WNT3: variants seen among roughly 807,000 people sequenced by gnomAD.
WNT3 encodes Wnt family member 3.
A neutral mutation model predicts 34.2 loss-of-function variants in WNT3; 7 were observed. The observed-to-expected ratio is 0.20, with a 90% CI of 0.12 to 0.38. The LOEUF is 0.38. Among genes scored for constraint, WNT3 ranks in the 10% least tolerant of loss-of-function variants. The probability of loss-of-function intolerance (pLI) is 1.00; values close to 1 mark genes in which losing one functional copy is unlikely to be tolerated. For missense variants in WNT3, 267 were observed against 499.8 expected, an observed-to-expected ratio of 0.53 and a Z score of 4.44; for synonymous variants, 212 against 211.5, an observed-to-expected ratio of 1.00 and a Z score of -0.02.
chr17:46,773,604 G>A (rs2059391540), intron 2 of WNT3, 64 bp downstream of exon 2: 4 of 1,444,436 alleles, frequency 2.8e-6, no homozygotes, highest in Non-Finnish European at 3.7e-6. Flanking sequence ...GGGGTGGAAG[G>A]GCATACAGTC....
At chr17:46,799,978 C>T (rs2084103710) in intron 1 of WNT3, among the ~76,000 whole-genome samples, 1 of 152,168 alleles carries the variant, frequency 6.6e-6, no homozygotes. Context: ...GTTAGATGCC[C>T]AGAGCCGGAC....
intron 1 of WNT3, among the ~76,000 whole-genome samples, chr17:46,777,588 C>T (rs1159353257): frequency 1.3e-5 from 2 of 152,280 alleles, no homozygotes; most frequent in African/African-American, 2.4e-5. Context: ...GGATTTCCTT[C>T]TGTCCCCACA....
chr17:46,789,101 G>T (rs1020325453), intron 1 of WNT3, among the ~76,000 whole-genome samples: 3 of 152,172 alleles, frequency 2.0e-5, no homozygotes, highest in Admixed American at 2.0e-4. Context: ...TATGCTGGAC[G>T]CCGGGAGCAC....
At chr17:46,776,919 C>T (rs867094186) in intron 1 of WNT3, among the ~76,000 whole-genome samples, 6 of 152,310 alleles carry the variant, frequency 3.9e-5, no homozygotes, top group East Asian at 1.9e-4. Context: ...CTTCCTCCCC[C>T]TCTCCCAGCC....
intron 1 of WNT3, among the ~76,000 whole-genome samples, chr17:46,811,412 A>G (rs2084273996): frequency 6.6e-6 from 1 of 152,210 alleles, no homozygotes; most frequent in Non-Finnish European, 1.5e-5. Flanking sequence ...TTAGTTTGAC[A>G]TGAGGGTATG....
rs749719578 is a variant in WNT3, at chr17:46,779,103, A to ACACACACACCCC, written c.81-5195_81-5194insGGGGTGTGTGTG. Among the ~76,000 whole-genome samples, 103 of 133,638 alleles carry ACACACACACCCC rather than the reference A, an allele frequency of 7.7e-4. 5 individuals carry two copies. The highest frequency in any genetic ancestry group is 7.4e-3 in the East Asian group (29 of 3,898). The allele number at this position is 133,638 out of a possible 152,430, so 87.7% of individuals were successfully genotyped here. A position where few individuals can be genotyped will look rare whatever the true frequency, so the allele number is the denominator to read the frequency against. ...CACACACACACACACACACACACAC[A>ACACACACACCCC]CCCCAGCCCACTCGGCCTTCCAAAG... On this transcript the variant is annotated intron_variant, in intron 1 of 4. Coordinates refer to ENST00000225512, the MANE Select transcript of WNT3 (RefSeq NM_030753.5).
At chr17:46,777,519 A>G (rs950622738) in intron 1 of WNT3, among the ~76,000 whole-genome samples, 3 of 152,254 alleles carry the variant, frequency 2.0e-5, no homozygotes, top group African/African-American at 4.8e-5. Flanking sequence ...CATCTCCAGG[A>G]AGAAGGTGCC....
Position 46,770,061 on chromosome 17 carries a change from C to A in WNT3, c.323-13G>T, listed in dbSNP as rs1343819627. The A allele has an allele frequency of 3.3e-6, 5 of 1,533,818 alleles. No homozygotes were observed. Among genetic ancestry groups the A allele is most frequent in the East Asian group, 2.4e-5 (1 of 40,826 alleles). ...GACTCGCGGGTGGCTGCGGGGAGGT[C>A]GTGGGGAGGCAGCACTCAGGACCCG... On this transcript the variant is annotated splice_polypyrimidine_tract_variant and intron_variant, in intron 2 of 4. Coordinates refer to ENST00000225512, the MANE Select transcript of WNT3 (RefSeq NM_030753.5).
chr17:46,818,375 A>G (rs1375528936), intron 1 of WNT3, 143 bp downstream of exon 1: 5 of 634,224 alleles, frequency 7.9e-6, no homozygotes, highest in Non-Finnish European at 9.9e-6. Flanking sequence ...CAGAAAATCC[A>G]GGAGGGGTGG....
chr17:46,779,053 T>TCACTCACACA (rs1555683627), intron 1 of WNT3, among the ~76,000 whole-genome samples: 3 of 100,612 alleles, frequency 3.0e-5, no homozygotes, highest in Admixed American at 1.2e-4. Flanking sequence ...CCCTACCCCA[T>TCACTCACACA]CACACACACA....
chr17:46,787,413 A>G (rs183333408), intron 1 of WNT3, among the ~76,000 whole-genome samples: 121 of 152,310 alleles, frequency 7.9e-4, no homozygotes, highest in Non-Finnish European at 2.5e-4. Context: ...TGTCAAAGCT[A>G]AGCGGGACCT....
intron 2 of WNT3, 70 bp downstream of exon 2, chr17:46,773,598 T>C: frequency 6.8e-7 from 1 of 1,466,226 alleles, no homozygotes; most frequent in Middle Eastern, 2.5e-4. Flanking sequence ...CTGACTGGGG[T>C]GGAAGGGCAT....
chr17:46,801,355 C>T (rs968221982), intron 1 of WNT3, among the ~76,000 whole-genome samples: 1 of 152,220 alleles, frequency 6.6e-6, no homozygotes, highest in African/African-American at 2.4e-5. Context: ...CACGGTGGCT[C>T]ACGCCTGTAA....
chr17:46,809,109 A>T (rs916040981), intron 1 of WNT3, among the ~76,000 whole-genome samples: 13 of 152,110 alleles, frequency 8.5e-5, no homozygotes, highest in African/African-American at 2.9e-4. Flanking sequence ...GAAGTGGGTT[A>T]TTGGGGGGAT....
chr17:46,817,369 C>T (rs1304717004), intron 1 of WNT3, among the ~76,000 whole-genome samples: 1 of 152,210 alleles, frequency 6.6e-6, no homozygotes, highest in Non-Finnish European at 1.5e-5. Flanking sequence ...TTCCTCCTCA[C>T]CTCCCCCCGC....
At chr17:46,791,402 T>C (rs1036784432) in intron 1 of WNT3, among the ~76,000 whole-genome samples, 13 of 152,068 alleles carry the variant, frequency 8.5e-5, no homozygotes, top group Non-Finnish European at 1.6e-4. Context: ...AGACGGGGTT[T>C]CAACATGTTG....
chr17:46,803,261 T>C (rs1388661554), intron 1 of WNT3, among the ~76,000 whole-genome samples: 1 of 152,200 alleles, frequency 6.6e-6, no homozygotes, highest in Non-Finnish European at 1.5e-5. Flanking sequence ...TGGCCAGGCG[T>C]AGCGGCTCAC....
At position 46,763,621 on chromosome 17, in the gene WNT3, C is replaced by T. The variant is rs536169677; in HGVS notation, c.*1009G>A. 3.3e-5 allele frequency: 5 copies of T among 152,228 alleles called. No homozygotes were observed. The highest frequency in any genetic ancestry group is 3.3e-4 in the Admixed American group (5 of 15,284). 9.4% of individuals were successfully genotyped at this position (152,228 alleles called of 1,614,324 possible). A position where few individuals can be genotyped will look rare whatever the true frequency, so the allele number is the denominator to read the frequency against. On this transcript the variant is annotated 3_prime_UTR_variant, in exon 5 of 5. Transcript: ENST00000225512. ...GGAATTTCAGGAATTGATGGCTACT[C>T]CCTCACGGACCCTTTGTCTAACTTA...
At chr17:46,785,082 T>C (rs1290848266) in intron 1 of WNT3, among the ~76,000 whole-genome samples, 1 of 152,126 alleles carries the variant, frequency 6.6e-6, no homozygotes, top group African/African-American at 2.4e-5. Context: ...CGGCCTCCCC[T>C]TTTTGCTTTT....
Sources: gnomAD v4.1 joint callset for allele counts (sites outside exome capture counted in the v4.1 genomes callset) on GRCh38, gnomAD v4.1.1 for gene constraint, MANE v1.5 for transcripts, NCBI Gene and HGNC (gene_info 2026-07-23, HGNC 2026-07-21) for gene names.